Variants in SLC35E4 observed in about 807,000 individuals in gnomAD.
SLC35E4 encodes solute carrier family 35, member E4.
A neutral mutation model predicts 19.3 loss-of-function variants in SLC35E4; 15 were observed. The ratio of observed to expected loss-of-function variants is 0.78; its 90% CI spans 0.52 to 1.20. The LOEUF (loss-of-function observed/expected upper bound fraction) is 1.20. SLC35E4 is among the 50% of genes most tolerant of loss of function. The probability of loss-of-function intolerance (pLI) is 0.00; values close to 1 mark genes in which losing one functional copy is unlikely to be tolerated. For missense variants in SLC35E4, 406 were observed against 472.3 expected (o/e 0.86, Z 1.30); for synonymous variants, 219 against 219.9 (o/e 1.00, Z 0.04).
At chr22:30,668,524 A>T (rs1478054727) in exon 3 of SLC35E4, 1 of 152,384 alleles carries the variant, frequency 6.6e-6, no homozygotes, top group Non-Finnish European at 1.5e-5. Flanking sequence ...AGAACCTGGA[A>T]TCCCCATCTC....
intron 1 of SLC35E4, among the ~76,000 whole-genome samples, chr22:30,644,899 C>G (rs1321176544): frequency 6.6e-6 from 1 of 152,096 alleles, no homozygotes; most frequent in African/African-American, 2.4e-5. Context: ...GGCAAAGCAG[C>G]AAGATCCCCT....
chr22:30,667,028 G>C (rs1042146150), downstream of SLC35E4: 1 of 152,184 alleles, frequency 6.6e-6, no homozygotes, highest in Admixed American at 6.5e-5. Context: ...AAGATCTAAA[G>C]AACGTTTAGC....
intron 2 of SLC35E4, chr22:30,661,444 C>CTTTTTTTTTTTTTTTTTTT (rs56242112): frequency 1.8e-4 from 24 of 136,466 alleles, no homozygotes; most frequent in African/African-American, 2.1e-4. Context: ...TTTTCTTTTT[C>CTTTTTTTTTTTTTTTTTTT]TTTTTTTTTT....
chr22:30,658,543 C>T (rs2088394008), intron 2 of SLC35E4, among the ~76,000 whole-genome samples: 1 of 151,822 alleles, frequency 6.6e-6, no homozygotes, highest in Non-Finnish European at 1.5e-5. Context: ...CATCCTGTCA[C>T]CTGGCCCAAG....
At position 30,636,838 on chromosome 22, in the gene SLC35E4, G is replaced by A; in HGVS notation, c.388G>A (p.Ala130Thr). The change falls in exon 1 of 2, where the codon GCT (alanine) becomes ACT (threonine). Residue 130 changes from alanine to threonine, a missense_variant. By Grantham distance (58) the Ala-to-Thr change is moderately conservative. Transcript: ENST00000343605. ...SMACGNVGLRAVPLDLAQLVT... is the reference protein window; with the variant it reads ...SMACGNVGLRTVPLDLAQLVT... ...GGCCTGCGGCAACGTGGGCCTAAGG[G>A]CTGTGCCCCTGGACCTGGCACAACT... The A allele has an allele frequency of 6.2e-7, 1 of 1,613,072 alleles. No homozygotes were observed. The highest frequency in any genetic ancestry group is 1.3e-5 in the African/African-American group (1 of 75,040).
chr22:30,646,977 C>T lies in SLC35E4; in HGVS notation c.999C>T (p.Ser333=), dbSNP rs779630589. Residue 333 remains serine (S), a synonymous_variant, in exon 2 of 2, where the codon TCC becomes TCT. Coordinates refer to ENST00000343605, the MANE Select transcript of SLC35E4 (RefSeq NM_001001479.4). ...FLYHNCEFVA[S]WAARRGLWRR... ...ACCACAACTGCGAGTTCGTGGCCTCCTGGGCTGCCCGTCGGGGGCTGTGGC... is the reference window on the plus strand; with the variant it reads ...ACCACAACTGCGAGTTCGTGGCCTCTTGGGCTGCCCGTCGGGGGCTGTGGC... 1.9e-6 allele frequency: 3 copies of T among 1,613,644 alleles called. No individual in the cohort carries two copies. The highest frequency in any genetic ancestry group is 2.2e-5 in the East Asian group (1 of 44,880).
At chr22:30,645,068 G>A (rs1371543712) in intron 1 of SLC35E4, among the ~76,000 whole-genome samples, 2 of 152,200 alleles carry the variant, frequency 1.3e-5, no homozygotes, top group African/African-American at 2.4e-5. Context: ...CACTCCAGTG[G>A]TCATAAGTGA....
chr22:30,654,508 GC>G, intron 2 of SLC35E4: 1 of 427,922 alleles, frequency 2.3e-6, no homozygotes, highest in Non-Finnish European at 4.6e-6. Flanking sequence ...ACACCTTGAG[GC>G]GGTCTTGGGC....
downstream of SLC35E4, among the ~76,000 whole-genome samples, chr22:30,651,468 T>G (rs2088222038): frequency 1.6e-5 from 2 of 123,762 alleles, no homozygotes; most frequent in Non-Finnish European, 3.2e-5. Context: ...TTGGTAGAGA[T>G]GGGGTTTCAC....
chr22:30,660,723 A>G (rs1297067075), intron 2 of SLC35E4, among the ~76,000 whole-genome samples: 1 of 152,226 alleles, frequency 6.6e-6, no homozygotes, highest in Non-Finnish European at 1.5e-5. Context: ...AACCAAAGAC[A>G]AGGAGAAAAT....
chr22:30,645,610 A>G (rs573326988), intron 1 of SLC35E4, among the ~76,000 whole-genome samples: 19,357 of 148,202 alleles, frequency 0.13, 3,097 homozygotes, highest in African/African-American at 0.38. Context: ...AAAAAAAAAA[A>G]AAAAAAAAGA....
In SLC35E4 at chr22:30,636,558, C is replaced by A. The variant is rs1327300739; in HGVS notation, c.108C>A (p.Gly36=). 6.4e-7 allele frequency: 1 copy of A among 1,571,404 alleles called. No individual in the cohort carries two copies. The highest frequency in any genetic ancestry group is 1.8e-5 in the Admixed American group (1 of 54,170). The change falls in exon 1 of 2, where the codon GGC becomes GGA. Residue 36 remains glycine (G), a synonymous_variant. Transcript: ENST00000343605. ...QAAGPPEWPP[G]SPQALRQPGR... ...CTGGGCCCCCCGAGTGGCCCCCTGG[C>A]AGCCCTCAGGCCCTCCGGCAGCCTG...
At chr22:30,660,781 ATAGT>A (rs2088441918) in intron 2 of SLC35E4, among the ~76,000 whole-genome samples, 1 of 152,198 alleles carries the variant, frequency 6.6e-6, no homozygotes, top group Non-Finnish European at 1.5e-5. Flanking sequence ...TTGGGAAACA[ATAGT>A]TAGAATGCCT....
chr22:30,643,368 T>G (rs2088077448), intron 1 of SLC35E4, among the ~76,000 whole-genome samples: 1 of 152,216 alleles, frequency 6.6e-6, no homozygotes, highest in Non-Finnish European at 1.5e-5. Flanking sequence ...GGGGAGCGGT[T>G]GCTTCTTCCT....
At chr22:30,658,525 T>A (rs2088393681) in intron 2 of SLC35E4, among the ~76,000 whole-genome samples, 1 of 151,984 alleles carries the variant, frequency 6.6e-6, no homozygotes, top group Admixed American at 6.6e-5. Flanking sequence ...TTGCCTTTTT[T>A]CTCTCTTCAT....
At chr22:30,658,058 G>C (rs566340104) in intron 2 of SLC35E4, among the ~76,000 whole-genome samples, 1 of 151,374 alleles carries the variant, frequency 6.6e-6, no homozygotes, top group Non-Finnish European at 1.5e-5. Flanking sequence ...AGTGGGCGGT[G>C]ATCACACCAC....
chr22:30,643,458 G>T (rs768459002), intron 1 of SLC35E4, among the ~76,000 whole-genome samples: 2 of 152,174 alleles, frequency 1.3e-5, no homozygotes, highest in African/African-American at 4.8e-5. Flanking sequence ...GCAAACATTT[G>T]TTGGGGCCTC....
At chr22:30,651,737 G>A (rs1267606316), downstream of SLC35E4, among the ~76,000 whole-genome samples, 1 of 152,016 alleles carries the variant, frequency 6.6e-6, no homozygotes, top group Non-Finnish European at 1.5e-5. Flanking sequence ...CTAGGGCAGA[G>A]TGGGTATCGG....
intron 2 of SLC35E4, chr22:30,661,916 C>G (rs2088481385): frequency 6.6e-6 from 1 of 151,758 alleles, no homozygotes; most frequent in Non-Finnish European, 1.5e-5. Flanking sequence ...GAAGCTGGAA[C>G]TGTGCTCCTT....
Sources: gnomAD v4.1 joint callset for allele counts (sites outside exome capture counted in the v4.1 genomes callset) on GRCh38, gnomAD v4.1.1 for gene constraint, MANE v1.5 for transcripts, NCBI Gene and HGNC (gene_info 2026-07-23, HGNC 2026-07-21) for gene names.